MAT1A: variants seen among roughly 807,000 people sequenced by gnomAD.
MAT1A encodes S-adenosylmethionine synthase isoform type-1.
A neutral mutation model predicts 44.0 loss-of-function variants in MAT1A; 19 were observed. The observed-to-expected ratio is 0.43, with a 90% CI of 0.30 to 0.63. The LOEUF is 0.63. MAT1A is among the 30% of genes least tolerant of loss of function. The probability of loss-of-function intolerance (pLI) is 0.12; values close to 1 mark genes in which losing one functional copy is unlikely to be tolerated. For missense variants in MAT1A, 397 were observed against 531.0 expected, an observed-to-expected ratio of 0.75 and a Z score of 2.48; for synonymous variants, 205 against 205.6, an observed-to-expected ratio of 1.00 and a Z score of 0.03.
intron 8 of MAT1A, among the ~76,000 whole-genome samples, chr10:80,274,259 C>A (rs1268681951): frequency 6.6e-6 from 1 of 152,180 alleles, no homozygotes; most frequent in Non-Finnish European, 1.5e-5. Context: ...TTCCTAAGAT[C>A]CCCGCCTGCC....
At chr10:80,285,200 A>C (rs1841632587) in intron 2 of MAT1A, among the ~76,000 whole-genome samples, 1 of 152,212 alleles carries the variant, frequency 6.6e-6, no homozygotes, top group Non-Finnish European at 1.5e-5. Flanking sequence ...GAACTTTGAA[A>C]GACCTCCTTG....
rs1011577163 is a variant in MAT1A, at chr10:80,289,622, T to C, written c.-199A>G. ...GACTGCTGAGAAGGGAGGGAGTGGA[T>C]GGAACACGGGATGTGTCCCTCCCTC... On this transcript the variant is annotated 5_prime_UTR_variant, in exon 1 of 9. Coordinates refer to ENST00000372213, the MANE Select transcript of MAT1A (RefSeq NM_000429.3). 5 of 630,630 alleles carry C rather than the reference T, an allele frequency of 7.9e-6. No individual in the cohort carries two copies. Among genetic ancestry groups the C allele is most frequent in the African/African-American group, 7.2e-5 (4 of 55,244 alleles). 39.1% of individuals were successfully genotyped at this position (630,630 alleles called of 1,614,324 possible).
At position 80,289,631 on chromosome 10, in the gene MAT1A, G is replaced by C. The variant is rs1225013687; in HGVS notation, c.-208C>G. On this transcript the variant is annotated 5_prime_UTR_variant, in exon 1 of 9. Transcript: ENST00000372213. ...GAAGGGAGGGAGTGGATGGAACACG[G>C]GATGTGTCCCTCCCTCCAGCTTGCC... 3.3e-6 allele frequency: 2 copies of C among 609,356 alleles called. No homozygotes were observed. The highest frequency in any genetic ancestry group is 4.4e-4 in the Middle Eastern group (1 of 2,286). 37.7% of individuals were successfully genotyped at this position (609,356 alleles called of 1,614,324 possible). A position where few individuals can be genotyped will look rare whatever the true frequency, so the allele number is the denominator to read the frequency against.
chr10:80,278,454 T>G (rs1589481386), intron 5 of MAT1A, among the ~76,000 whole-genome samples: 1 of 152,232 alleles, frequency 6.6e-6, no homozygotes, highest in African/African-American at 2.4e-5. Flanking sequence ...ATCTTCACCC[T>G]GCTTCTATAT....
At chr10:80,283,556 G>C (rs981152200) in intron 3 of MAT1A, among the ~76,000 whole-genome samples, 1 of 152,256 alleles carries the variant, frequency 6.6e-6, no homozygotes. Flanking sequence ...AAATGATTAA[G>C]ACAACACAAG....
intron 2 of MAT1A, 79 bp downstream of exon 2, chr10:80,285,433 C>G: frequency 1.7e-6 from 2 of 1,205,630 alleles, no homozygotes; most frequent in Non-Finnish European, 2.5e-6. Context: ...GAGTATGGCT[C>G]GTTTGTCTTA....
rs77083841 is a variant in MAT1A at position 80,273,171 on chromosome 10, C to G, written c.*610G>C. The G allele has an allele frequency of 3.9e-3, 604 of 155,508 alleles. No homozygotes were observed. Among genetic ancestry groups the G allele is most frequent in the Non-Finnish European group, 7.0e-3 (490 of 70,106 alleles). 9.6% of individuals were successfully genotyped at this position (155,508 alleles called of 1,614,324 possible). A position where few individuals can be genotyped will look rare whatever the true frequency, so the allele number is the denominator to read the frequency against. On this transcript the variant is annotated 3_prime_UTR_variant, in exon 9 of 9. Coordinates refer to ENST00000372213, the MANE Select transcript of MAT1A (RefSeq NM_000429.3). ...CTCTCTGTGCTTTGCTTTCCCCCAT[C>G]TATAAATGGGATATAAAAGGTACTA...
intron 5 of MAT1A, among the ~76,000 whole-genome samples, chr10:80,278,271 C>T (rs1173882444): frequency 2.0e-5 from 3 of 151,858 alleles, no homozygotes; most frequent in African/African-American, 7.2e-5. Context: ...CCCTCCCTTC[C>T]TTGCTGACCC....
At chr10:80,277,104 GA>G (rs1267961563) in intron 5 of MAT1A, among the ~76,000 whole-genome samples, 1 of 152,230 alleles carries the variant, frequency 6.6e-6, no homozygotes, top group Non-Finnish European at 1.5e-5. Flanking sequence ...CTTCCAAGAA[GA>G]AGGTTGGATG....
At chr10:80,278,227 C>A (rs2132704023) in intron 5 of MAT1A, among the ~76,000 whole-genome samples, 1 of 152,326 alleles carries the variant, frequency 6.6e-6, no homozygotes, top group African/African-American at 2.4e-5. Flanking sequence ...GACAATCCTT[C>A]AAAGGAAGGG....
rs1244690146 is a variant in MAT1A at position 80,272,180 on chromosome 10, T to TG, written c.*1600_*1601insC. On this transcript the variant is annotated 3_prime_UTR_variant, in exon 9 of 9. Transcript: ENST00000372213. ...CAGATGAGACTTCCTGGGCTGCCTCTCCCAGCACCATGTACCCTAGAGAGA... is the reference window on the plus strand; with the variant it reads ...CAGATGAGACTTCCTGGGCTGCCTCTGCCCAGCACCATGTACCCTAGAGAGA... 1.0e-5 allele frequency: 1 copy of TG among 95,804 alleles called. No homozygotes were observed. Among genetic ancestry groups the TG allele is most frequent in the Non-Finnish European group, 2.1e-5 (1 of 47,786 alleles). The allele number at this position is 95,804 out of a possible 1,614,324, so 5.9% of individuals were successfully genotyped here.
chr10:80,280,315 C>A lies in MAT1A; in HGVS notation c.407G>T (p.Gly136Val), dbSNP rs1321690070. ...NEEDVGAGDQGLMFGYATDET... is the reference protein window; with the variant it reads ...NEEDVGAGDQVLMFGYATDET... ...GTCGGTAGCATAGCCGAACATCAAA[C>A]CCTGTGGCGAGAGAGCAGGCTGAGC... The change falls in exon 5 of 9, where the codon GGT (glycine) becomes GTT (valine). Residue 136 changes from glycine to valine, a missense_variant and splice_region_variant. By Grantham distance (109) the Gly-to-Val change is moderately radical (BLOSUM62 -3). Transcript: ENST00000372213. The A allele has an allele frequency of 6.2e-7, 1 of 1,613,938 alleles. No individual in the cohort carries two copies. The highest frequency in any genetic ancestry group is 8.5e-7 in the Non-Finnish European group (1 of 1,179,982).
chr10:80,274,758 C>T, intron 7 of MAT1A, 105 bp from the exon 8 acceptor site: 1 of 1,490,830 alleles, frequency 6.7e-7, no homozygotes, highest in African/African-American at 1.4e-5. Context: ...CCACATGCCT[C>T]TTGCCCCACA....
At chr10:80,276,902 T>C (rs1343081849) in intron 5 of MAT1A, among the ~76,000 whole-genome samples, 7 of 152,240 alleles carry the variant, frequency 4.6e-5, no homozygotes, top group Admixed American at 2.6e-4. Flanking sequence ...TCTCAGAGGC[T>C]TCCAGGTGCC....
chr10:80,283,862 G>T (rs779178100), intron 3 of MAT1A, 54 bp downstream of exon 3: 9 of 1,612,406 alleles, frequency 5.6e-6, no homozygotes, highest in Non-Finnish European at 7.6e-6. Context: ...TCAGCACTGG[G>T]GTCTCTATCA....
intron 1 of MAT1A, 78 bp from the exon 2 acceptor site, chr10:80,285,667 C>A: frequency 1.0e-6 from 1 of 987,538 alleles, no homozygotes; most frequent in South Asian, 1.3e-5. Flanking sequence ...AATTAGATAT[C>A]GACTTTTCAG....
chr10:80,283,823 C>A, intron 3 of MAT1A, 93 bp downstream of exon 3: 1 of 1,567,280 alleles, frequency 6.4e-7, no homozygotes, highest in South Asian at 1.1e-5. Flanking sequence ...TATTGATGCT[C>A]CCATCGGGCT....
rs1476165788 is a variant in MAT1A at position 80,273,735 on chromosome 10, C to T, written c.*46G>A. 3 of 1,372,536 alleles carry T rather than the reference C, an allele frequency of 2.2e-6. No homozygotes were observed. The highest frequency in any genetic ancestry group is 3.1e-6 in the Non-Finnish European group (3 of 962,294). The allele number at this position is 1,372,536 out of a possible 1,614,324, so 85.0% of individuals were successfully genotyped here. A position where few individuals can be genotyped will look rare whatever the true frequency, so the allele number is the denominator to read the frequency against. ...AGGCGTCTGGGGAAGAGGAGCATGGCCACCAGGTGCCTCCAGGGTGAGACC... is the reference window on the plus strand; with the variant it reads ...AGGCGTCTGGGGAAGAGGAGCATGGTCACCAGGTGCCTCCAGGGTGAGACC... On this transcript the variant is annotated 3_prime_UTR_variant, in exon 9 of 9. Coordinates refer to ENST00000372213, the MANE Select transcript of MAT1A (RefSeq NM_000429.3).
chr10:80,286,645 T>C (rs954216418), intron 1 of MAT1A, among the ~76,000 whole-genome samples: 3 of 152,202 alleles, frequency 2.0e-5, no homozygotes, highest in African/African-American at 4.8e-5. Context: ...AAGCACTAAA[T>C]GGTGCTTGTA....
Sources: gnomAD v4.1 joint callset for allele counts (sites outside exome capture counted in the v4.1 genomes callset) on GRCh38, gnomAD v4.1.1 for gene constraint, MANE v1.5 for transcripts, NCBI Gene and HGNC (gene_info 2026-07-23, HGNC 2026-07-21) for gene names.